DCC: variants seen among roughly 807,000 people sequenced by gnomAD.
DCC encodes the protein netrin receptor DCC.
In DCC, 58 loss-of-function variants were observed where a neutral mutation model predicts 172.5. The observed-to-expected ratio is 0.34, with a 90% CI of 0.27 to 0.42. DCC has a LOEUF of 0.42. Among genes scored for constraint, DCC ranks in the 10% least tolerant of loss-of-function variants. The pLI is 1.00. For missense variants in DCC, 1,740 were observed against 1,791.0 expected, an observed-to-expected ratio of 0.97 and a Z score of 0.51; for synonymous variants, 709 against 644.5, an observed-to-expected ratio of 1.10 and a Z score of -1.52.
intron 1 of DCC, among the ~76,000 whole-genome samples, chr18:52,562,272 C>T (rs570065793): frequency 7.9e-5 from 12 of 152,150 alleles, no homozygotes; most frequent in African/African-American, 2.2e-4. Flanking sequence ...CTATATGAAC[C>T]GACATTCTTT....
intron 12 of DCC, among the ~76,000 whole-genome samples, chr18:53,240,051 C>CAAAAAAAAA (rs1247730660): frequency 4.6e-4 from 50 of 108,842 alleles, no homozygotes; most frequent in East Asian, 1.2e-3. Context: ...AAAAAAAAAA[C>CAAAAAAAAA]AACAAAACAC....
intron 21 of DCC, chr18:53,416,482 A>G (rs1910317181): frequency 2.2e-6 from 1 of 452,254 alleles, no homozygotes; most frequent in Non-Finnish European, 4.1e-6. Context: ...AGCTCAGCAT[A>G]ATTTTCAAGC....
At chr18:53,004,481 G>T (rs533083686) in intron 5 of DCC, among the ~76,000 whole-genome samples, 1 of 152,096 alleles carries the variant, frequency 6.6e-6, no homozygotes, top group Non-Finnish European at 1.5e-5. Context: ...TCTTTGGGTG[G>T]CAGAATAATT....
intron 1 of DCC, among the ~76,000 whole-genome samples, chr18:52,720,681 G>A (rs1205713679): frequency 6.6e-6 from 1 of 152,226 alleles, no homozygotes; most frequent in Non-Finnish European, 1.5e-5. Flanking sequence ...GATGAAAGGT[G>A]AGAAATTTAA....
intron 1 of DCC, among the ~76,000 whole-genome samples, chr18:52,747,486 C>T (rs2036924190): frequency 6.6e-6 from 1 of 152,198 alleles, no homozygotes; most frequent in Non-Finnish European, 1.5e-5. Context: ...TTTTGATTCT[C>T]AAAATGAGTT....
intron 5 of DCC, among the ~76,000 whole-genome samples, chr18:52,939,493 T>C (rs2040428917): frequency 6.6e-6 from 1 of 152,216 alleles, no homozygotes; most frequent in African/African-American, 2.4e-5. Flanking sequence ...CTGTTTTACT[T>C]ACTATGTCCC....
At chr18:53,111,976 C>T (rs778265543) in intron 7 of DCC, among the ~76,000 whole-genome samples, 2 of 151,428 alleles carry the variant, frequency 1.3e-5, no homozygotes, top group Non-Finnish European at 3.0e-5. Flanking sequence ...AGAAAACACC[C>T]ATTTCATCGT....
chr18:52,342,995 C>T (rs565567197), intron 1 of DCC, among the ~76,000 whole-genome samples: 1 of 152,330 alleles, frequency 6.6e-6, no homozygotes, highest in South Asian at 2.1e-4. Context: ...GGAAGGGATA[C>T]ATACACACAC....
At chr18:52,982,454 T>TGTATATC (rs1241902627) in intron 5 of DCC, among the ~76,000 whole-genome samples, 1 of 152,158 alleles carries the variant, frequency 6.6e-6, no homozygotes, top group Non-Finnish European at 1.5e-5. Context: ...CTTCTCTACC[T>TGTATATC]TTGTTCATTG....
At chr18:53,114,332 A>G (rs1322538509) in intron 7 of DCC, among the ~76,000 whole-genome samples, 1 of 151,432 alleles carries the variant, frequency 6.6e-6, no homozygotes, top group Non-Finnish European at 1.5e-5. Context: ...TTTCTGTATA[A>G]GATATTTAAC....
intron 1 of DCC, among the ~76,000 whole-genome samples, chr18:52,498,135 C>T (rs2030875113): frequency 1.3e-5 from 2 of 151,918 alleles, no homozygotes; most frequent in South Asian, 4.1e-4. Context: ...TTTTTTTCCC[C>T]AATTATTTAA....
chr18:52,525,817 G>GA (rs1343421055), intron 1 of DCC, among the ~76,000 whole-genome samples: 17 of 152,142 alleles, frequency 1.1e-4, no homozygotes, highest in Non-Finnish European at 4.4e-5. Flanking sequence ...AGAAATAACG[G>GA]AAAGATGGAA....
Position 52,925,388 on chromosome 18 carries a change from G to T in DCC, c.985+18G>T. 6.2e-7 allele frequency: 1 copy of T among 1,610,570 alleles called. No homozygotes were observed. Among genetic ancestry groups the T allele is most frequent in the South Asian group, 1.1e-5 (1 of 91,026 alleles). On this transcript the variant is annotated intron_variant, in intron 5 of 28. Coordinates refer to ENST00000442544, the MANE Select transcript of DCC (RefSeq NM_005215.4). ...AGTCTTGGGTAAGTTAGTGGCTGGA[G>T]ATGAGTTTATATTGTACCTTTCAAA...
At chr18:53,458,616 G>T (rs2045511813) in intron 23 of DCC, among the ~76,000 whole-genome samples, 1 of 152,198 alleles carries the variant, frequency 6.6e-6, no homozygotes, top group South Asian at 2.1e-4. Flanking sequence ...TTTTCAAACT[G>T]TGTTCTTCTC....
intron 1 of DCC, among the ~76,000 whole-genome samples, chr18:52,564,519 A>C (rs1289503909): frequency 6.6e-6 from 1 of 152,152 alleles, no homozygotes; most frequent in Non-Finnish European, 1.5e-5. Flanking sequence ...TTGACAAATT[A>C]CATGTGCATT....
At chr18:53,113,490 A>C (rs1189640360) in intron 7 of DCC, among the ~76,000 whole-genome samples, 1 of 151,314 alleles carries the variant, frequency 6.6e-6, no homozygotes, top group Non-Finnish European at 1.5e-5. Flanking sequence ...AAAAAAACAG[A>C]TTCTATTTTT....
chr18:53,090,401 G>A (rs930854196), intron 7 of DCC, among the ~76,000 whole-genome samples: 1 of 151,792 alleles, frequency 6.6e-6, no homozygotes, highest in African/African-American at 2.4e-5. Context: ...GCATTTTGAG[G>A]GGTGACATAA....
intron 2 of DCC, among the ~76,000 whole-genome samples, chr18:52,837,822 C>G (rs2038734889): frequency 1.3e-5 from 2 of 152,142 alleles, no homozygotes; most frequent in Non-Finnish European, 2.9e-5. Flanking sequence ...CTGCCCGGGA[C>G]TGGGTAATTT....
rs935937267 is a variant in DCC, at chr18:52,861,318, A to G, written c.413-44726A>G. On this transcript the variant is annotated intron_variant, in intron 2 of 28. Coordinates refer to ENST00000442544, the MANE Select transcript of DCC (RefSeq NM_005215.4). ...GCTTTTTATTGGCTCTATAAAGTCA[A>G]CTTCAATTCCTCAAAGCAGTCTGGT... Among the ~76,000 whole-genome samples, 5 of 152,318 alleles carry G rather than the reference A, an allele frequency of 3.3e-5. No homozygotes were observed. The East Asian group carries it at 7.7e-4, about 24-fold the overall frequency.
Sources: allele counts gnomAD v4.1 joint callset (sites outside exome capture counted in the v4.1 genomes callset), GRCh38; gene constraint gnomAD v4.1.1; transcripts MANE v1.5; gene names NCBI Gene and HGNC (gene_info 2026-07-23, HGNC 2026-07-21).